The following SFTPD variants were observed in gnomAD, a reference collection of about 807,000 sequenced individuals.
SFTPD encodes the protein surfactant protein D, also known as pulmonary surfactant-associated protein D.
A neutral mutation model predicts 34.6 loss-of-function variants in SFTPD; 18 were observed. That is an observed-to-expected ratio of 0.52 (90% CI 0.36 to 0.77). SFTPD has a LOEUF of 0.77. Among genes scored for constraint, SFTPD ranks in the 30% least tolerant of loss-of-function variants. SFTPD has a pLI of 0.00. For synonymous variants in SFTPD, 155 were observed against 180.9 expected (o/e 0.86, Z 1.15); for missense variants, 433 against 468.9 (o/e 0.92, Z 0.71).
intron 1 of SFTPD, among the ~76,000 whole-genome samples, chr10:79,961,965 TA>T (rs373193620): frequency 0.14 from 20,177 of 148,248 alleles, 1,533 homozygotes; most frequent in East Asian, 0.39. Context: ...TATGCAGCCA[TA>T]AAAAAGGATG....
At chr10:79,948,130 T>A (rs1476914135) in intron 1 of SFTPD, among the ~76,000 whole-genome samples, 1 of 152,188 alleles carries the variant, frequency 6.6e-6, no homozygotes, top group East Asian at 1.9e-4. Flanking sequence ...ATCCTGGTAG[T>A]CTCTAGAAAC....
chr10:79,942,064 A>T lies in SFTPD; in HGVS notation c.440T>A (p.Val147Glu). ...CGAGCCCTGCATGCCTGGGGCACCT[A>T]CTTCTCCTGAAGAAGGAACACACAG... ...PKGEAGPKGEVGAPGMQGSAG... is the reference protein window; with the variant it reads ...PKGEAGPKGEEGAPGMQGSAG... The change falls in exon 5 of 8, where the codon GTA becomes GAA. Residue 147 changes from valine (V) to glutamate (E), a missense_variant. Physicochemically the swap from Val to Glu is moderately radical, Grantham distance 121. Transcript: ENST00000372292. The T allele has an allele frequency of 6.2e-7, 1 of 1,606,020 alleles. No homozygotes were observed. The highest frequency in any genetic ancestry group is 8.5e-7 in the Non-Finnish European group (1 of 1,173,328).
At chr10:79,942,219 G>A in intron 4 of SFTPD, 149 bp from the exon 5 acceptor site, 1 of 748,348 alleles carries the variant, frequency 1.3e-6, no homozygotes, top group South Asian at 1.7e-5. Flanking sequence ...CTCTGTGGAG[G>A]GTGAGAGGAA....
At chr10:79,954,004 GTT>G (rs71034262), upstream of SFTPD, among the ~76,000 whole-genome samples, 18 of 144,974 alleles carry the variant, frequency 1.2e-4, no homozygotes, top group African/African-American at 4.5e-4. Context: ...ATTTTTGTGG[GTT>G]TTTTTTTTTA....
chr10:79,965,429 G>A (rs550659968), intron 1 of SFTPD, among the ~76,000 whole-genome samples: 330 of 150,710 alleles, frequency 2.2e-3, no homozygotes, highest in African/African-American at 7.6e-3. Flanking sequence ...TTCCCACATC[G>A]CCCCTAATCC....
intron 2 of SFTPD, among the ~76,000 whole-genome samples, chr10:79,943,522 T>C (rs1842636813): frequency 6.6e-6 from 1 of 152,120 alleles, no homozygotes; most frequent in Non-Finnish European, 1.5e-5. Flanking sequence ...AGTGGGATTT[T>C]AAGAGCAAGG....
In SFTPD at chr10:79,942,020, C is replaced by G. The variant is rs766504455; in HGVS notation, c.484G>C (p.Ala162Pro). 6.2e-7 allele frequency: 1 copy of G among 1,613,894 alleles called. No homozygotes were observed. ...ACACCTCGCTCTCCCTTAGGGCCTG[C>G]GAGGCCTCTTGCCCCTGCCGAGCCC... is the stretch of plus-strand genomic sequence containing the variant. ...MQGSAGARGL[A>P]GPKGERGVPG... The change falls in exon 5 of 8, where the codon GCA (alanine) becomes CCA (proline). Residue 162 changes from alanine to proline, a missense_variant. Physicochemically the swap from Ala to Pro is conservative, Grantham distance 27. Transcript: ENST00000372292.
At chr10:79,971,816 T>A (rs747882034) in intron 1 of SFTPD, 2 of 152,222 alleles carry the variant, frequency 1.3e-5, no homozygotes, top group Non-Finnish European at 2.9e-5. Flanking sequence ...AGCCTTGGAA[T>A]TGACCGTTTT....
chr10:79,975,391 G>A (rs558655904), intron 1 of SFTPD, among the ~76,000 whole-genome samples: 3 of 152,064 alleles, frequency 2.0e-5, no homozygotes, highest in Non-Finnish European at 4.4e-5. Context: ...AAAGTTCCTA[G>A]GTGGAATGAA....
At chr10:79,953,940 G>A (rs1842725070), upstream of SFTPD, among the ~76,000 whole-genome samples, 1 of 150,122 alleles carries the variant, frequency 6.7e-6, no homozygotes, top group South Asian at 2.1e-4. Context: ...TGAATCTCCT[G>A]TTGAAGTGCT....
chr10:79,981,972 C>A, intron 1 of SFTPD: 1 of 310,916 alleles, frequency 3.2e-6, no homozygotes, highest in Non-Finnish European at 5.9e-6. Flanking sequence ...GTCTCCCGTG[C>A]CCGCGTCAGG....
chr10:79,938,612 C>A (rs1842581037), intron 7 of SFTPD, among the ~76,000 whole-genome samples: 1 of 152,194 alleles, frequency 6.6e-6, no homozygotes, highest in Non-Finnish European at 1.5e-5. Flanking sequence ...TAGAAGTGAA[C>A]AATTTTTCCC....
chr10:79,941,556 A>AT (rs771177025), intron 5 of SFTPD, 42 bp from the exon 6 acceptor site: 71 of 1,478,074 alleles, frequency 4.8e-5, no homozygotes, highest in African/African-American at 3.8e-4. Flanking sequence ...TACTCATTTT[A>AT]TTTTTTTTGT....
intron 5 of SFTPD, among the ~76,000 whole-genome samples, 191 bp downstream of exon 5, chr10:79,941,763 C>T (rs549606474): frequency 4.6e-5 from 7 of 152,282 alleles, no homozygotes; most frequent in African/African-American, 1.4e-4. Flanking sequence ...CCATTGCTTG[C>T]GCCTCACTCT....
intron 1 of SFTPD, among the ~76,000 whole-genome samples, chr10:79,956,185 C>G (rs925564266): frequency 7.9e-5 from 12 of 152,142 alleles, no homozygotes; most frequent in African/African-American, 2.7e-4. Context: ...GCCAAGATGG[C>G]CGAATAGGAA....
rs1842668145 is a variant in SFTPD at position 79,946,609 on chromosome 10, G to A, written c.51C>T (p.Gly17=). 6.2e-7 allele frequency: 1 copy of A among 1,614,098 alleles called. No homozygotes were observed. Among genetic ancestry groups the A allele is most frequent in the South Asian group, 1.1e-5 (1 of 91,078 alleles). The change falls in exon 2 of 8, where the codon GGC becomes GGT. Residue 17 remains glycine, a synonymous_variant. Transcript: ENST00000372292. The part of the protein sequence containing the change: ...SALVLLTQPL[G]YLEAEMKTYS... ...AGGTCTTCATTTCTGCTTCCAGGTA[G>A]CCCAGGGGCTGTGTGAGCAGGACCA...
At chr10:79,981,943 C>T in intron 1 of SFTPD, 1 of 312,220 alleles carries the variant, frequency 3.2e-6, no homozygotes, top group South Asian at 2.9e-5. Context: ...CCTTCCTCTC[C>T]ACGTCTCCTC....
At chr10:79,953,218 A>C (rs1003241024), upstream of SFTPD, among the ~76,000 whole-genome samples, 2 of 152,232 alleles carry the variant, frequency 1.3e-5, no homozygotes, top group Non-Finnish European at 2.9e-5. Flanking sequence ...TACTTTTACC[A>C]GTGAAACTTA....
chr10:79,946,629 G>A lies in SFTPD; in HGVS notation c.31C>T (p.Leu11=). MLLFLLSALV[L]LTQPLGYLEA... is the part of the protein sequence containing the mutation. ...AGGTAGCCCAGGGGCTGTGTGAGCAGGACCAGTGCAGAGAGGAGGAAGAGC... is the reference window on the plus strand; with the variant it reads ...AGGTAGCCCAGGGGCTGTGTGAGCAAGACCAGTGCAGAGAGGAGGAAGAGC... The change falls in exon 2 of 8, where the codon CTG becomes TTG. Residue 11 remains leucine, a synonymous_variant. Transcript: ENST00000372292. 6.2e-7 allele frequency: 1 copy of A among 1,614,222 alleles called. No individual in the cohort carries two copies. The highest frequency in any genetic ancestry group is 8.5e-7 in the Non-Finnish European group (1 of 1,180,030).
Sources: gnomAD v4.1 joint callset for allele counts (sites outside exome capture counted in the v4.1 genomes callset) on GRCh38, gnomAD v4.1.1 for gene constraint, MANE v1.5 for transcripts, NCBI Gene and HGNC (gene_info 2026-07-23, HGNC 2026-07-21) for gene names.